The following STK4 variants were observed in gnomAD, a reference collection of about 807,000 sequenced individuals.
STK4 encodes the protein serine/threonine-protein kinase 4.
A neutral mutation model predicts 64.9 loss-of-function variants in STK4; 30 were observed. That is an observed-to-expected ratio of 0.46 (90% CI 0.35 to 0.63). The LOEUF (loss-of-function observed/expected upper bound fraction) is 0.63. Among genes scored for constraint, STK4 ranks in the 20% least tolerant of loss-of-function variants. The pLI is 0.01. For missense variants in STK4, 466 were observed against 598.5 expected, an observed-to-expected ratio of 0.78 and a Z score of 2.31; for synonymous variants, 177 against 199.0, an observed-to-expected ratio of 0.89 and a Z score of 0.93.
intron 10 of STK4, among the ~76,000 whole-genome samples, chr20:45,031,363 G>T (rs2068439650): frequency 6.6e-6 from 1 of 152,112 alleles, no homozygotes; most frequent in South Asian, 2.1e-4. Context: ...TGTGGCTGGA[G>T]CCGAGTGACA....
At chr20:45,071,603 G>A (rs560550858) in intron 10 of STK4, among the ~76,000 whole-genome samples, 2 of 152,272 alleles carry the variant, frequency 1.3e-5, no homozygotes, top group Admixed American at 6.5e-5. Flanking sequence ...CAACAAAACT[G>A]CCTAGAAATT....
chr20:44,990,935 G>C (rs571178275), intron 5 of STK4, among the ~76,000 whole-genome samples: 1 of 152,196 alleles, frequency 6.6e-6, no homozygotes, highest in Admixed American at 6.5e-5. Context: ...TTGTTTCCTA[G>C]TTTTCCTGGC....
chr20:44,966,694 C>G, intron 1 of STK4, 91 bp downstream of exon 1: 1 of 1,235,186 alleles, frequency 8.1e-7, no homozygotes, highest in Non-Finnish European at 1.0e-6. Context: ...TGGGAGTCCC[C>G]GGAGCTAAGC....
chr20:44,992,241 T>C (rs560873588), intron 5 of STK4, among the ~76,000 whole-genome samples: 1 of 150,238 alleles, frequency 6.7e-6, no homozygotes, highest in African/African-American at 2.4e-5. Context: ...ATGTTTTTTT[T>C]ATTTTTTATT....
intron 6 of STK4, among the ~76,000 whole-genome samples, chr20:44,996,287 G>C (rs1482874939): frequency 1.3e-5 from 2 of 151,928 alleles, no homozygotes; most frequent in Admixed American, 1.3e-4. Flanking sequence ...CAGTTCCCAG[G>C]CTTAACTGTC....
Position 44,972,458 on chromosome 20 carries a change from G to A in STK4, c.116+300G>A, listed in dbSNP as rs558031477. ...TCTATAAGAAACTTTTTAATTTGCT[G>A]TTCATAATTTCTGATTGGTATGCAA... On this transcript the variant is annotated intron_variant, in intron 2 of 10. Transcript: ENST00000372806. The A allele has an allele frequency of 6.6e-5, 14 of 211,268 alleles. No homozygotes were observed. In the South Asian group the frequency reaches 2.0e-3, roughly 30 times the overall value. 13.1% of individuals were successfully genotyped at this position (211,268 alleles called of 1,614,324 possible). A position where few individuals can be genotyped will look rare whatever the true frequency, so the allele number is the denominator to read the frequency against.
At chr20:45,001,024 C>T (rs902571733) in intron 8 of STK4, 143 bp from the exon 9 acceptor site, 15 of 878,896 alleles carry the variant, frequency 1.7e-5, no homozygotes, top group African/African-American at 5.1e-5. Context: ...TAAGTAACAG[C>T]GCTTTCATTT....
chr20:44,996,260 A>G (rs994194244), intron 6 of STK4, among the ~76,000 whole-genome samples: 1 of 152,062 alleles, frequency 6.6e-6, no homozygotes, highest in Non-Finnish European at 1.5e-5. Context: ...AAGCTCTTCC[A>G]GTGCTCACAC....
At chr20:45,051,138 G>T (rs1016243358) in intron 10 of STK4, among the ~76,000 whole-genome samples, 1 of 152,094 alleles carries the variant, frequency 6.6e-6, no homozygotes, top group African/African-American at 2.4e-5. Context: ...CACCGTATTG[G>T]TTTTGGCATT....
At chr20:44,968,744 G>T (rs921736348) in intron 1 of STK4, among the ~76,000 whole-genome samples, 11 of 152,224 alleles carry the variant, frequency 7.2e-5, no homozygotes, top group Non-Finnish European at 1.3e-4. Flanking sequence ...TTTAAAAAAT[G>T]TATTAAAAGC....
chr20:45,013,690 G>A (rs963097761), intron 9 of STK4, among the ~76,000 whole-genome samples: 5 of 152,082 alleles, frequency 3.3e-5, no homozygotes, highest in African/African-American at 1.2e-4. Context: ...TGCTTTGTGT[G>A]TCTTAAAAAT....
intron 10 of STK4, among the ~76,000 whole-genome samples, chr20:45,042,255 CT>C: frequency 6.6e-6 from 1 of 152,022 alleles, no homozygotes; most frequent in Non-Finnish European, 1.5e-5. Flanking sequence ...TTCAGTCTTT[CT>C]TTTCAGCTTT....
intron 1 of STK4, 105 bp downstream of exon 1, chr20:44,966,708 C>A: frequency 1.7e-6 from 2 of 1,207,750 alleles, no homozygotes; most frequent in Non-Finnish European, 2.1e-6. Flanking sequence ...GCTAAGCGAC[C>A]CAGCCGATGG....
At position 44,988,543 on chromosome 20, in the gene STK4, ATATATATATATATATATATATATATG is replaced by A. The variant is rs1568693922; in HGVS notation, c.525+1251_525+1276del. Among the ~76,000 whole-genome samples, 3 of 128,788 alleles carry A rather than the reference ATATATATATATATATATATATATATG, an allele frequency of 2.3e-5. 1 individual carries two copies. The highest frequency in any genetic ancestry group is 2.3e-4 in the South Asian group (1 of 4,386). 84.5% of individuals were successfully genotyped at this position (128,788 alleles called of 152,430 possible). Reference sequence around the variant, plus strand: ...TATATATGTGTGTGTGTATATATATATATATATATATATATATATATATATGTATCCATTCCATTTACTAATTTTAG... The same window carrying A: ...TATATATGTGTGTGTGTATATATATATATCCATTCCATTTACTAATTTTAG... On this transcript the variant is annotated intron_variant, in intron 5 of 10. Transcript: ENST00000372806.
intron 9 of STK4, among the ~76,000 whole-genome samples, chr20:45,003,716 T>TC (rs2067882743): frequency 6.7e-6 from 1 of 149,826 alleles, no homozygotes; most frequent in Non-Finnish European, 1.5e-5. Flanking sequence ...CTCTAAATTT[T>TC]TTTTTTTTTT....
rs981470063 is a variant in STK4, at chr20:45,005,661, A to C, written c.1147+4308A>C. ...AGACTCTGTCTCAAAAAAAAAAAAA[A>C]AAAAAACAAAACGTTAGCTACTATA... On this transcript the variant is annotated intron_variant, in intron 9 of 10. Coordinates refer to ENST00000372806, the MANE Select transcript of STK4 (RefSeq NM_006282.5). 4.6e-5 allele frequency among the ~76,000 whole-genome samples: 7 copies of C among 151,696 alleles called. No individual in the cohort carries two copies. In the East Asian group the frequency reaches 5.8e-4, roughly 13 times the overall value.
At chr20:45,019,818 G>A (rs1356757778) in intron 9 of STK4, among the ~76,000 whole-genome samples, 1 of 152,190 alleles carries the variant, frequency 6.6e-6, no homozygotes, top group Non-Finnish European at 1.5e-5. Flanking sequence ...CAAGCTAGCT[G>A]AAGCCCTGGG....
chr20:44,992,457 C>T (rs747357032), intron 5 of STK4, among the ~76,000 whole-genome samples: 10 of 151,562 alleles, frequency 6.6e-5, no homozygotes, highest in Non-Finnish European at 1.2e-4. Context: ...GATAGGCTCT[C>T]CCTATTTTAC....
At chr20:44,982,422 C>T (rs1057217062) in intron 4 of STK4, among the ~76,000 whole-genome samples, 1 of 151,920 alleles carries the variant, frequency 6.6e-6, no homozygotes, top group African/African-American at 2.4e-5. Context: ...AGTATGACCC[C>T]CCCATGCCTG....
Sources: gnomAD v4.1 joint callset for allele counts (sites outside exome capture counted in the v4.1 genomes callset) on GRCh38, gnomAD v4.1.1 for gene constraint, MANE v1.5 for transcripts, NCBI Gene and HGNC (gene_info 2026-07-23, HGNC 2026-07-21) for gene names.